The following TMEM63B variants were observed in gnomAD, a reference collection of about 807,000 sequenced individuals.
TMEM63B encodes the protein mechanosensitive cation channel TMEM63B.
A neutral mutation model predicts 102.6 loss-of-function variants in TMEM63B; 23 were observed. The ratio of observed to expected loss-of-function variants is 0.22; its 90% CI spans 0.16 to 0.32. TMEM63B has a LOEUF of 0.32. Ranked by LOEUF, TMEM63B falls within the 10% of genes least tolerant of loss-of-function variation. TMEM63B has a pLI of 1.00. For missense variants in TMEM63B, 628 were observed against 1,095.9 expected, an observed-to-expected ratio of 0.57 and a Z score of 6.03; for synonymous variants, 444 against 437.0, an observed-to-expected ratio of 1.02 and a Z score of -0.20.
At chr6:44,143,232 T>C (rs1369425469) in intron 10 of TMEM63B, among the ~76,000 whole-genome samples, 1 of 152,236 alleles carries the variant, frequency 6.6e-6, no homozygotes, top group Non-Finnish European at 1.5e-5. Context: ...AGTAGATGGA[T>C]ACTCTTTCAT....
intron 11 of TMEM63B, 80 bp downstream of exon 11, chr6:44,147,007 C>T (rs1175088455): frequency 6.8e-7 from 1 of 1,461,436 alleles, no homozygotes; most frequent in Non-Finnish European, 9.6e-7. Flanking sequence ...CACACAGGCT[C>T]CCCTTCTAGA....
rs369637054 is a variant in TMEM63B at position 44,134,756 on chromosome 6, T to C, written c.159+13T>C. 2.8e-5 allele frequency: 45 copies of C among 1,609,598 alleles called. No homozygotes were observed. The highest frequency in any genetic ancestry group is 3.8e-5 in the Non-Finnish European group (45 of 1,177,222). On this transcript the variant is annotated intron_variant, in intron 2 of 23. Coordinates refer to ENST00000323267, the MANE Select transcript of TMEM63B (RefSeq NM_018426.3). ...CATGTGCTTCCTTGTAAGTGCCTGC[T>C]GCCACCCCTTACCTTGGCATCCATG...
At position 44,136,458 on chromosome 6, in the gene TMEM63B, A is replaced by G. The variant is rs1186889733; in HGVS notation, c.369+19A>G. 2 of 1,570,876 alleles carry G rather than the reference A, an allele frequency of 1.3e-6. No individual in the cohort carries two copies. Among genetic ancestry groups the G allele is most frequent in the African/African-American group, 1.4e-5 (1 of 73,568 alleles). On this transcript the variant is annotated intron_variant, in intron 5 of 23. Transcript: ENST00000323267. ...GGACAATGTGAGTGCCCTCCCCCCA[A>G]ACTTCTTAGTCCCCCACCCCACCCC...
chr6:44,152,798 CG>C lies in TMEM63B; in HGVS notation c.1942+102del. Reference sequence around the variant, plus strand: ...CAGGCCACCCCGAGTGGACAGGGCCCGGCTGGGAGACCGGCCCCTCGGGGCT... The same window carrying C: ...CAGGCCACCCCGAGTGGACAGGGCCCGCTGGGAGACCGGCCCCTCGGGGCT... On this transcript the variant is annotated intron_variant, in intron 20 of 23. Coordinates refer to ENST00000323267, the MANE Select transcript of TMEM63B (RefSeq NM_018426.3). The surrounding 1 kb of genome is among the most constrained non-coding windows in gnomAD (Gnocchi z 6.4). 3.0e-6 allele frequency: 3 copies of C among 1,013,146 alleles called. No homozygotes were observed. Among genetic ancestry groups the C allele is most frequent in the Non-Finnish European group, 4.4e-6 (3 of 678,874 alleles). 62.8% of individuals were successfully genotyped at this position (1,013,146 alleles called of 1,614,324 possible). A position where few individuals can be genotyped will look rare whatever the true frequency, so the allele number is the denominator to read the frequency against.
chr6:44,154,949 A>G lies in TMEM63B; in HGVS notation c.*66A>G. ...CACCCCCACTCCCACGGACACTAAA[A>G]CGCTAATAATTTATTAGATCTAAAG... On this transcript the variant is annotated 3_prime_UTR_variant, in exon 24 of 24. Transcript: ENST00000323267. 8 of 1,377,530 alleles carry G rather than the reference A, an allele frequency of 5.8e-6. No homozygotes were observed. The highest frequency in any genetic ancestry group is 7.7e-6 in the Non-Finnish European group (8 of 1,036,060). The allele number at this position is 1,377,530 out of a possible 1,614,324, so 85.3% of individuals were successfully genotyped here. A position where few individuals can be genotyped will look rare whatever the true frequency, so the allele number is the denominator to read the frequency against.
rs189445791 is a variant in TMEM63B at position 44,150,434 on chromosome 6, C to T, written c.1607+124C>T. The T allele has an allele frequency of 3.5e-5, 50 of 1,442,760 alleles. No homozygotes were observed. In the Admixed American group the frequency reaches 7.3e-4, roughly 21 times the overall value. The allele number at this position is 1,442,760 out of a possible 1,614,324, so 89.4% of individuals were successfully genotyped here. On this transcript the variant is annotated intron_variant, in intron 17 of 23. Transcript: ENST00000323267. This position sits in a 1 kb window ranked among gnomAD's most constrained non-coding sequence, Gnocchi z 4.7. Reference sequence around the variant, plus strand: ...GCCCAAGATGGGAAGCCTGGCCACCCCCAGGCCTCCTGAGCTACCCACCCC... The same window carrying T: ...GCCCAAGATGGGAAGCCTGGCCACCTCCAGGCCTCCTGAGCTACCCACCCC...
At chr6:44,134,129 C>T (rs375574825) in intron 1 of TMEM63B, among the ~76,000 whole-genome samples, 342 of 152,290 alleles carry the variant, frequency 2.2e-3, no homozygotes, top group African/African-American at 7.6e-3. Context: ...TCTCCCCTGA[C>T]GTGGAGACCC....
In TMEM63B at chr6:44,154,411, G is replaced by T. The variant is rs1221158138; in HGVS notation, c.2273G>T (p.Arg758Leu). The change falls in exon 23 of 24, where the codon CGG (arginine) becomes CTG (leucine). Residue 758 changes from arginine to leucine, a missense_variant. This residue lies in a region of TMEM63B where 129 missense variants were observed against 153.5 expected (regional missense o/e 0.84). Transcript: ENST00000323267. The part of the protein sequence containing the change: ...TDTVDPRSNG[R>L]PPTAAAVPKS... ...ACTGTGGACCCCAGAAGCAATGGACGGCCCCCCACTGCTGCTGCTGTCCCC... is the reference window on the plus strand; with the variant it reads ...ACTGTGGACCCCAGAAGCAATGGACTGCCCCCCACTGCTGCTGCTGTCCCC... The T allele has an allele frequency of 6.2e-7, 1 of 1,614,022 alleles. No homozygotes were observed. Among genetic ancestry groups the T allele is most frequent in the Non-Finnish European group, 8.5e-7 (1 of 1,179,960 alleles).
intron 1 of TMEM63B, among the ~76,000 whole-genome samples, chr6:44,130,410 AC>A (rs1282925940): frequency 1.3e-5 from 2 of 151,780 alleles, no homozygotes; most frequent in African/African-American, 4.8e-5. Context: ...TTATTTTACT[AC>A]TTTTTTTTCT....
chr6:44,137,066 T>G (rs1763119947), intron 5 of TMEM63B, among the ~76,000 whole-genome samples: 1 of 151,940 alleles, frequency 6.6e-6, no homozygotes, highest in Non-Finnish European at 1.5e-5. Flanking sequence ...AAAAAAGAAA[T>G]AATAAGCCCT....
chr6:44,132,371 A>G (rs1762117116), intron 1 of TMEM63B: 4 of 978,728 alleles, frequency 4.1e-6, no homozygotes, highest in Non-Finnish European at 4.9e-6. Context: ...AAAATGCTCT[A>G]CCTTTCTTTG....
chr6:44,151,409 G>A (rs1394204366), intron 18 of TMEM63B, among the ~76,000 whole-genome samples: 1 of 152,066 alleles, frequency 6.6e-6, no homozygotes, highest in Non-Finnish European at 1.5e-5. Flanking sequence ...CAGAGATGTT[G>A]CGGGAAGGGT....
rs1219585822 is a variant in TMEM63B at position 44,148,232 on chromosome 6, T to A, written c.988-20T>A. ...CCTGGCTTTCCAACTAGAGGCCCTG[T>A]CCCTAACCCTCCCACAAAGGTGGAG... On this transcript the variant is annotated intron_variant, in intron 12 of 23. Coordinates refer to ENST00000323267, the MANE Select transcript of TMEM63B (RefSeq NM_018426.3). This position sits in a 1 kb window ranked among gnomAD's most constrained non-coding sequence, Gnocchi z 5.1. 6.2e-7 allele frequency: 1 copy of A among 1,613,894 alleles called. No individual in the cohort carries two copies. Among genetic ancestry groups the A allele is most frequent in the Admixed American group, 1.7e-5 (1 of 60,012 alleles).
chr6:44,153,683 G>A lies in TMEM63B; in HGVS notation c.1950G>A (p.Met650Ile). ...CCATGTGGCTTCCCTTAGGGCTCATGTACATGCTGCTGAAGCACCTGGTAG... is the reference window on the plus strand; with the variant it reads ...CCATGTGGCTTCCCTTAGGGCTCATATACATGCTGCTGAAGCACCTGGTAG... ...TCPIIVPFGL[M>I]YMLLKHLVDR... The change falls in exon 21 of 24, where the codon ATG becomes ATA. Residue 650 changes from methionine to isoleucine, a missense_variant. By Grantham distance (10) the Met-to-Ile change is conservative. Transcript: ENST00000323267. The A allele has an allele frequency of 6.2e-7, 1 of 1,613,800 alleles. No individual in the cohort carries two copies.
intron 1 of TMEM63B, 70 bp from the exon 2 acceptor site, chr6:44,134,491 C>G: frequency 6.6e-7 from 1 of 1,506,864 alleles, no homozygotes; most frequent in Non-Finnish European, 8.9e-7. Context: ...TGCCCCCTCC[C>G]CACGCCCACC....
intron 8 of TMEM63B, 36 bp from the exon 9 acceptor site, chr6:44,140,216 C>G (rs1763951924): frequency 6.5e-7 from 1 of 1,548,896 alleles, no homozygotes; most frequent in Non-Finnish European, 8.9e-7. Context: ...TGTCCTAGCC[C>G]CAGTGGCTCC....
intron 5 of TMEM63B, among the ~76,000 whole-genome samples, chr6:44,137,685 G>C (rs1378671065): frequency 6.7e-6 from 1 of 149,004 alleles, no homozygotes; most frequent in Non-Finnish European, 1.5e-5. Flanking sequence ...GGGTGGAGGG[G>C]AGAGATTTTT....
chr6:44,150,094 G>A lies in TMEM63B; in HGVS notation c.1520+129G>A. On this transcript the variant is annotated intron_variant, in intron 16 of 23. Coordinates refer to ENST00000323267, the MANE Select transcript of TMEM63B (RefSeq NM_018426.3). The surrounding 1 kb of genome is among the most constrained non-coding windows in gnomAD (Gnocchi z 4.7). ...CCACAGCTGGTAGGGAAGGGGTAGTGCCCAGCACCCTCACCTTGGGAGGCC... is the reference window on the plus strand; with the variant it reads ...CCACAGCTGGTAGGGAAGGGGTAGTACCCAGCACCCTCACCTTGGGAGGCC... The A allele has an allele frequency of 7.6e-7, 1 of 1,310,592 alleles. No individual in the cohort carries two copies. The highest frequency in any genetic ancestry group is 1.3e-5 in the South Asian group (1 of 77,098). The allele number at this position is 1,310,592 out of a possible 1,614,324, so 81.2% of individuals were successfully genotyped here.
At chr6:44,149,992 C>A in intron 16 of TMEM63B, 27 bp downstream of exon 16, 1 of 1,594,198 alleles carries the variant, frequency 6.3e-7, no homozygotes, top group East Asian at 2.3e-5. Context: ...CACACCACAC[C>A]TCGCTGTGGC....
Sources: gnomAD v4.1 joint callset for allele counts (sites outside exome capture counted in the v4.1 genomes callset) on GRCh38, gnomAD v4.1.1 for gene constraint, gnomAD v4.1.1 regional missense constraint, Gnocchi (gnomAD v3.1) non-coding constraint, MANE v1.5 for transcripts, NCBI Gene and HGNC (gene_info 2026-07-23, HGNC 2026-07-21) for gene names.